PTPRD: variants seen among roughly 807,000 people sequenced by gnomAD.
PTPRD encodes protein tyrosine phosphatase receptor type D, also known as receptor-type tyrosine-protein phosphatase delta.
Under a neutral mutation model 214.5 loss-of-function variants are expected in PTPRD, and 34 were observed. The ratio of observed to expected loss-of-function variants is 0.16; its 90% confidence interval spans 0.12 to 0.21. PTPRD has a LOEUF of 0.21. Among genes scored for constraint, PTPRD ranks in the 10% least tolerant of loss-of-function variants. The pLI, the probability that PTPRD is intolerant of heterozygous loss-of-function variation, is 1.00. For synonymous variants in PTPRD, 1,128 were observed against 845.7 expected (o/e 1.33, Z -5.79); for missense variants, 2,545 against 2,398.7 (o/e 1.06, Z -1.27).
At chr9:9,905,854 G>A (rs1429205011) in intron 5 of PTPRD, among the ~76,000 whole-genome samples, 1 of 151,952 alleles carries the variant, frequency 6.6e-6, no homozygotes, top group African/African-American at 2.4e-5. Flanking sequence ...AGGGGCCTAA[G>A]GTATAAGTGC....
At chr9:9,336,889 C>T (rs1476109731) in intron 9 of PTPRD, among the ~76,000 whole-genome samples, 4 of 151,984 alleles carry the variant, frequency 2.6e-5, no homozygotes, top group African/African-American at 9.7e-5. Flanking sequence ...CTGTTGTGAA[C>T]TTCGACAGCT....
chr9:10,311,617 T>C (rs1030378796), intron 3 of PTPRD, among the ~76,000 whole-genome samples: 1 of 152,068 alleles, frequency 6.6e-6, no homozygotes, highest in Admixed American at 6.6e-5. Flanking sequence ...GGCACCAAGC[T>C]GTTGTGAGAA....
chr9:10,320,919 G>C (rs1054694591), intron 3 of PTPRD, among the ~76,000 whole-genome samples: 1 of 151,846 alleles, frequency 6.6e-6, no homozygotes, highest in Non-Finnish European at 1.5e-5. Context: ...GTAGAAACAG[G>C]GTTTTTCCAT....
intron 4 of PTPRD, among the ~76,000 whole-genome samples, chr9:9,963,501 T>C (rs1652124512): frequency 6.6e-6 from 1 of 152,190 alleles, no homozygotes; most frequent in African/African-American, 2.4e-5. Flanking sequence ...GACTGGATTG[T>C]AATGGAAACC....
rs80065404 is a variant in PTPRD, at chr9:8,677,921, G to T, written c.65-41077C>A. Among the ~76,000 whole-genome samples, 227 of 152,172 alleles carry T rather than the reference G, an allele frequency of 1.5e-3. 1 individual carries two copies. Among genetic ancestry groups the T allele is most frequent in the East Asian group, 0.014 (73 of 5,164 alleles). ...GCAGCAGTTATTTTGATCTGTGGGG[G>T]GTCTTGGTGCCTTTTGTATCTCAGC... On this transcript the variant is annotated intron_variant, in intron 12 of 45. Coordinates refer to ENST00000381196, the MANE Select transcript of PTPRD (RefSeq NM_002839.4).
At position 9,182,180 on chromosome 9, in the gene PTPRD, T is replaced by A. The variant is rs140209690; in HGVS notation, c.-143+1124A>T. ...ATTTACTACAATCTTCGTTATCTCTTATTTGTTTGTTGAGTTATCATCTTA... is the reference window on the plus strand; with the variant it reads ...ATTTACTACAATCTTCGTTATCTCTAATTTGTTTGTTGAGTTATCATCTTA... On this transcript the variant is annotated intron_variant, in intron 10 of 45. Coordinates refer to ENST00000381196, the MANE Select transcript of PTPRD (RefSeq NM_002839.4). Among the ~76,000 whole-genome samples the A allele has an allele frequency of 5.9e-5, 9 of 152,210 alleles. No individual in the cohort carries two copies. The East Asian group carries it at 1.5e-3, about 26-fold the overall frequency.
At chr9:8,476,933 T>C (rs1387311585) in intron 30 of PTPRD, among the ~76,000 whole-genome samples, 1 of 152,140 alleles carries the variant, frequency 6.6e-6, no homozygotes, top group Non-Finnish European at 1.5e-5. Flanking sequence ...ATAGAGTTTC[T>C]AGAAAATATA....
chr9:9,322,950 A>T (rs1008175149), intron 9 of PTPRD, among the ~76,000 whole-genome samples: 1 of 152,288 alleles, frequency 6.6e-6, no homozygotes, highest in Middle Eastern at 3.4e-3. Context: ...AAAAATGTCT[A>T]TTCTGTTAGG....
intron 12 of PTPRD, among the ~76,000 whole-genome samples, chr9:8,712,724 G>C (rs1017647136): frequency 4.6e-5 from 7 of 151,508 alleles, no homozygotes; most frequent in Admixed American, 4.6e-4. Context: ...ATTCTTTTTT[G>C]GGGGGTGGGG....
chr9:10,213,414 T>A (rs1047619094), intron 3 of PTPRD, among the ~76,000 whole-genome samples: 1 of 152,078 alleles, frequency 6.6e-6, no homozygotes, highest in African/African-American at 2.4e-5. Context: ...ATAAGAAGCA[T>A]CTCTGCCTCC....
chr9:8,757,400 G>A (rs189066510), intron 11 of PTPRD, among the ~76,000 whole-genome samples: 11 of 152,074 alleles, frequency 7.2e-5, no homozygotes, highest in East Asian at 1.9e-4. Context: ...TTTAGATGTT[G>A]ATATGTTCAA....
intron 2 of PTPRD, among the ~76,000 whole-genome samples, chr9:10,384,925 C>G (rs1192415799): frequency 2.0e-5 from 3 of 151,786 alleles, no homozygotes; most frequent in Admixed American, 6.6e-5. Context: ...TGGACTCTCA[C>G]TGGGATTCTA....
At chr9:10,240,713 C>A (rs1015351731) in intron 3 of PTPRD, among the ~76,000 whole-genome samples, 4 of 151,716 alleles carry the variant, frequency 2.6e-5, no homozygotes, top group African/African-American at 9.7e-5. Flanking sequence ...TATAATAGGT[C>A]AATAACCCCT....
intron 23 of PTPRD, among the ~76,000 whole-genome samples, chr9:8,502,114 C>T (rs2097423260): frequency 1.3e-5 from 2 of 152,066 alleles, no homozygotes; most frequent in African/African-American, 2.4e-5. Context: ...AAACTAGTCA[C>T]TTTCTGAGCA....
chr9:9,620,926 C>T (rs1221987193), intron 7 of PTPRD, among the ~76,000 whole-genome samples: 9 of 151,448 alleles, frequency 5.9e-5, no homozygotes, highest in Admixed American at 1.3e-4. Context: ...ACTTGGCCAA[C>T]GAGGTAATAG....
At chr9:9,551,123 C>G (rs900171701) in intron 8 of PTPRD, among the ~76,000 whole-genome samples, 1 of 151,784 alleles carries the variant, frequency 6.6e-6, no homozygotes, top group Non-Finnish European at 1.5e-5. Flanking sequence ...AAAATAAGAA[C>G]TTATGTTCAC....
chr9:10,356,067 G>T (rs2097271354), intron 2 of PTPRD, among the ~76,000 whole-genome samples: 1 of 151,222 alleles, frequency 6.6e-6, no homozygotes, highest in East Asian at 1.9e-4. Context: ...TTCCATTTTT[G>T]GTTGTCAGGG....
At chr9:10,141,984 T>C (rs949301695) in intron 3 of PTPRD, among the ~76,000 whole-genome samples, 11 of 152,100 alleles carry the variant, frequency 7.2e-5, no homozygotes, top group Non-Finnish European at 1.3e-4. Context: ...TCTACAACTA[T>C]CTGATCTTTG....
rs1324162562 is a variant in PTPRD at position 8,338,796 on chromosome 9, A to G, written c.5379+126T>C. On this transcript the variant is annotated intron_variant, in intron 43 of 45. Coordinates refer to ENST00000381196, the MANE Select transcript of PTPRD (RefSeq NM_002839.4). ...TTAAACATAAAAAAAAACGTTCTCCAGAATGAATGATTTCTCTTTGGGACA... is the reference window on the plus strand; with the variant it reads ...TTAAACATAAAAAAAAACGTTCTCCGGAATGAATGATTTCTCTTTGGGACA... 2.8e-5 allele frequency: 24 copies of G among 862,946 alleles called. No homozygotes were observed. In the Admixed American group the frequency reaches 5.9e-4, roughly 21 times the overall value. 53.5% of individuals were successfully genotyped at this position (862,946 alleles called of 1,614,324 possible).
Sources: gnomAD v4.1 joint callset for allele counts (sites outside exome capture counted in the v4.1 genomes callset) on GRCh38, gnomAD v4.1.1 for gene constraint, MANE v1.5 for transcripts, NCBI Gene and HGNC (gene_info 2026-07-23, HGNC 2026-07-21) for gene names.